CSMD2: variants seen among roughly 807,000 people sequenced by gnomAD.
The protein encoded by CSMD2 is CUB and Sushi multiple domains 2, also known as CUB and sushi domain-containing protein 2.
CSMD2 carries 130 observed loss-of-function variants against 398.5 expected under a neutral mutation model. The observed-to-expected ratio is 0.33, with a 90% CI of 0.28 to 0.38. CSMD2 has a LOEUF of 0.38. Among genes scored for constraint, CSMD2 ranks in the 10% least tolerant of loss-of-function variants. The probability of loss-of-function intolerance (pLI) is 1.00; values close to 1 mark genes in which losing one functional copy is unlikely to be tolerated. For synonymous variants in CSMD2, 1,828 were observed against 1,908.5 expected, an observed-to-expected ratio of 0.96 and a Z score of 1.10; for missense variants, 3,829 against 4,764.9, an observed-to-expected ratio of 0.80 and a Z score of 5.78.
chr1:34,047,292 TCA>T (rs1480824579), intron 2 of CSMD2, among the ~76,000 whole-genome samples: 3 of 152,150 alleles, frequency 2.0e-5, no homozygotes, highest in Non-Finnish European at 4.4e-5. Flanking sequence ...TGCTCTTCTC[TCA>T]GTTTCCTCCA....
In CSMD2 at chr1:33,726,630, C is replaced by G; in HGVS notation, c.2424G>C (p.Trp808Cys). 1 of 1,613,512 alleles carries G rather than the reference C, an allele frequency of 6.2e-7. No individual in the cohort carries two copies. The highest frequency in any genetic ancestry group is 8.5e-7 in the Non-Finnish European group (1 of 1,179,952). ...TCAAGGCATCCTTGTAGAAGCCAGG[C>G]CAGCCCGGAGAGAGGATGGTGCCGC... ...SPSGTILSPG[W>C]PGFYKDALSC... is the part of the protein sequence containing the mutation. The change falls in exon 16 of 71, where the codon TGG becomes TGC. Residue 808 changes from tryptophan to cysteine, a missense_variant. Physicochemically the swap from Trp to Cys is radical, Grantham distance 215 (BLOSUM62 -2). Coordinates refer to ENST00000373381, the MANE Select transcript of CSMD2 (RefSeq NM_001281956.2).
At chr1:33,785,843 T>C (rs1653475897) in intron 12 of CSMD2, among the ~76,000 whole-genome samples, 1 of 152,214 alleles carries the variant, frequency 6.6e-6, no homozygotes, top group South Asian at 2.1e-4. Flanking sequence ...CAAATGCATC[T>C]AATTCCTCTT....
intron 53 of CSMD2, among the ~76,000 whole-genome samples, chr1:33,563,671 A>G (rs929233384): frequency 6.6e-6 from 1 of 152,080 alleles, no homozygotes; most frequent in African/African-American, 2.4e-5. Context: ...TCTCATCTGA[A>G]TTTTGAACCC....
chr1:33,839,856 A>G (rs1236909992), intron 6 of CSMD2: 1 of 154,042 alleles, frequency 6.5e-6, no homozygotes, highest in East Asian at 1.9e-4. Context: ...AAATTCTGGC[A>G]ATAGCTATTG....
At chr1:33,638,638 G>A (rs542584956) in intron 29 of CSMD2, among the ~76,000 whole-genome samples, 1 of 152,326 alleles carries the variant, frequency 6.6e-6, no homozygotes, top group African/African-American at 2.4e-5. Context: ...CCCTGCACAT[G>A]TGGCCCCAAT....
chr1:33,785,178 G>A (rs550222511), intron 12 of CSMD2, among the ~76,000 whole-genome samples: 12 of 152,278 alleles, frequency 7.9e-5, no homozygotes, highest in African/African-American at 2.9e-4. Flanking sequence ...TATAATCACA[G>A]CACCCAGCAA....
At chr1:33,543,811 T>C (rs1656593615) in intron 57 of CSMD2, among the ~76,000 whole-genome samples, 1 of 152,236 alleles carries the variant, frequency 6.6e-6, no homozygotes, top group Non-Finnish European at 1.5e-5. Context: ...CAGATAATGC[T>C]TGATTTTTTG....
At chr1:33,937,625 C>G (rs761564149) in intron 3 of CSMD2, among the ~76,000 whole-genome samples, 1 of 152,236 alleles carries the variant, frequency 6.6e-6, no homozygotes, top group Non-Finnish European at 1.5e-5. Flanking sequence ...CTCTCTTCCT[C>G]CTCTGAGAGG....
rs369232335 is a variant in CSMD2, at chr1:33,586,488, G to A, written c.7051+16C>T. On this transcript the variant is annotated intron_variant, in intron 46 of 70. Transcript: ENST00000373381. ...GAACTTCTAGGCCCCATACAGATGC[G>A]GCTCCATGCAATTACCTTCACATAT... is the stretch of plus-strand genomic sequence containing the variant. The A allele has an allele frequency of 3.8e-5, 58 of 1,543,912 alleles. No homozygotes were observed. Among genetic ancestry groups the A allele is most frequent in the Admixed American group, 1.3e-4 (8 of 59,832 alleles).
At chr1:34,157,362 C>T (rs1640898369) in intron 1 of CSMD2, among the ~76,000 whole-genome samples, 1 of 152,122 alleles carries the variant, frequency 6.6e-6, no homozygotes, top group Non-Finnish European at 1.5e-5. Context: ...TTCCTCATGT[C>T]CACTCAGTTG....
rs565388254 is a variant in CSMD2, at chr1:34,081,769, G to A, written c.404+7208C>T. Among the ~76,000 whole-genome samples, 5 of 152,240 alleles carry A rather than the reference G, an allele frequency of 3.3e-5. No individual in the cohort carries two copies. The East Asian group carries it at 9.7e-4, about 30-fold the overall frequency. On this transcript the variant is annotated intron_variant, in intron 2 of 70. Transcript: ENST00000373381. ...TCGCTACAACCTCCACCTCCCAGCC[G>A]CCTGCCTTGGCCTCCCAAAGTGCTG...
intron 3 of CSMD2, among the ~76,000 whole-genome samples, chr1:34,001,442 A>C (rs929642832): frequency 6.6e-6 from 1 of 152,204 alleles, no homozygotes; most frequent in Non-Finnish European, 1.5e-5. Flanking sequence ...CACCAAGCTA[A>C]ACAAGAGAGA....
chr1:33,577,513 TG>T, intron 48 of CSMD2, 29 bp from the exon 49 acceptor site: 1 of 1,577,962 alleles, frequency 6.3e-7, no homozygotes, highest in Non-Finnish European at 8.7e-7. Context: ...TTCAGGGAAC[TG>T]GCACCAGCAG....
At chr1:33,561,754 C>T (rs534232918) in intron 53 of CSMD2, among the ~76,000 whole-genome samples, 45 of 152,184 alleles carry the variant, frequency 3.0e-4, no homozygotes, top group Non-Finnish European at 5.3e-4. Flanking sequence ...ATCTAGGTCT[C>T]AAGGGTGAGT....
At chr1:33,571,418 A>G (rs1659583775) in intron 51 of CSMD2, 114 bp downstream of exon 51, 1 of 711,766 alleles carries the variant, frequency 1.4e-6, no homozygotes, top group Non-Finnish European at 2.0e-6. Flanking sequence ...AAAGCAGTAC[A>G]CTGCAATCCC....
intron 3 of CSMD2, among the ~76,000 whole-genome samples, chr1:33,973,829 A>G (rs1027843588): frequency 3.3e-5 from 5 of 152,158 alleles, no homozygotes; most frequent in Non-Finnish European, 7.3e-5. Flanking sequence ...GGGAGTGACC[A>G]GGGCAGAGCT....
chr1:33,783,792 C>T (rs1557887093), intron 12 of CSMD2, among the ~76,000 whole-genome samples: 1 of 152,184 alleles, frequency 6.6e-6, no homozygotes, highest in Non-Finnish European at 1.5e-5. Flanking sequence ...AGTTCTGACT[C>T]CGGTACCTAT....
intron 1 of CSMD2, among the ~76,000 whole-genome samples, chr1:34,154,621 G>T (rs1045040875): frequency 5.3e-5 from 8 of 151,866 alleles, no homozygotes; most frequent in Non-Finnish European, 7.4e-5. Flanking sequence ...ATGGAGTTGA[G>T]TAAATAAAGT....
At chr1:33,625,495 C>G (rs1222961293) in intron 33 of CSMD2, among the ~76,000 whole-genome samples, 1 of 152,172 alleles carries the variant, frequency 6.6e-6, no homozygotes, top group Non-Finnish European at 1.5e-5. Context: ...CGTGGACCTC[C>G]CACAGACCTT....
Sources: allele counts gnomAD v4.1 joint callset (sites outside exome capture counted in the v4.1 genomes callset), GRCh38; gene constraint gnomAD v4.1.1; transcripts MANE v1.5; gene names NCBI Gene and HGNC (gene_info 2026-07-23, HGNC 2026-07-21).